Variants in SLC29A4 observed in about 807,000 individuals in gnomAD.
SLC29A4 encodes solute carrier family 29 member 4.
SLC29A4 carries 36 observed loss-of-function variants against 43.9 expected under a neutral mutation model. The observed-to-expected ratio is 0.82, with a 90% CI of 0.63 to 1.08. The LOEUF is 1.08. Among genes scored for constraint, SLC29A4 ranks in the 50% least tolerant of loss-of-function variants. SLC29A4 has a pLI of 0.00. For synonymous variants in SLC29A4, 491 were observed against 338.0 expected (o/e 1.45, Z -4.97); for missense variants, 869 against 755.3 (o/e 1.15, Z -1.77).
intron 6 of SLC29A4, 59 bp downstream of exon 6, chr7:5,294,993 T>C: frequency 6.7e-7 from 1 of 1,482,164 alleles, no homozygotes; most frequent in Non-Finnish European, 9.1e-7. Flanking sequence ...CTCTGGAAGC[T>C]TCTTCCCAGG....
chr7:5,284,653 G>A (rs765067035), intron 1 of SLC29A4, among the ~76,000 whole-genome samples: 3 of 152,144 alleles, frequency 2.0e-5, no homozygotes, highest in Admixed American at 1.3e-4. Flanking sequence ...CTTGGATGTG[G>A]GGGGCCGGGA....
At position 5,290,783 on chromosome 7, in the gene SLC29A4, T is replaced by C; in HGVS notation, c.221T>C (p.Met74Thr). 6.2e-7 allele frequency: 1 copy of C among 1,614,122 alleles called. No individual in the cohort carries two copies. The highest frequency in any genetic ancestry group is 1.1e-5 in the South Asian group (1 of 91,088). The change falls in exon 3 of 11, where the codon ATG becomes ACG. Residue 74 changes from methionine (M) to threonine (T), a missense_variant. Met to Thr is a moderately conservative substitution (Grantham distance 81). Transcript: ENST00000396872. ...DDRYHAIYFA[M>T]LLAGVGFLLP... ...CGTTATCACGCCATCTACTTTGCGA[T>C]GCTGCTGGCTGGCGTGGGCTTCCTG...
Position 5,287,365 on chromosome 7 carries a change from T to G in SLC29A4, c.-8-444T>G, listed in dbSNP as rs1217349591. On this transcript the variant is annotated intron_variant, in intron 1 of 10. Coordinates refer to ENST00000396872, the MANE Select transcript of SLC29A4 (RefSeq NM_153247.4). ...CCCAGGAGGTCGTGGCTGAAATGAGTGATGGTTGCACCACCATACTCCAAC... is the reference window on the plus strand; with the variant it reads ...CCCAGGAGGTCGTGGCTGAAATGAGGGATGGTTGCACCACCATACTCCAAC... 2.0e-5 allele frequency among the ~76,000 whole-genome samples: 3 copies of G among 147,608 alleles called. No homozygotes were observed. The East Asian group carries it at 6.0e-4, about 29-fold the overall frequency.
intron 1 of SLC29A4, among the ~76,000 whole-genome samples, chr7:5,284,032 ACCC>A (rs79051188): frequency 4.2e-5 from 3 of 72,250 alleles, no homozygotes; most frequent in Non-Finnish European, 5.9e-5. Flanking sequence ...GAGCTGCACG[ACCC>A]CCCCCCCCAC....
chr7:5,303,218 G>T lies in SLC29A4; in HGVS notation c.*279G>T. The T allele has an allele frequency of 3.8e-6, 2 of 525,616 alleles. No homozygotes were observed. The highest frequency in any genetic ancestry group is 3.3e-5 in the Admixed American group (1 of 29,852). 32.6% of individuals were successfully genotyped at this position (525,616 alleles called of 1,614,324 possible). A position where few individuals can be genotyped will look rare whatever the true frequency, so the allele number is the denominator to read the frequency against. On this transcript the variant is annotated 3_prime_UTR_variant, in exon 11 of 11. Transcript: ENST00000396872. ...GTCTACCTTCCATCTGTGTCCAGCG[G>T]CCCCGGCTCCAGCCCAGCCAGCACT...
intron 9 of SLC29A4, 78 bp downstream of exon 9, chr7:5,299,505 A>G: frequency 6.9e-7 from 1 of 1,459,574 alleles, no homozygotes; most frequent in Non-Finnish European, 9.3e-7. Flanking sequence ...CTATCCGGGA[A>G]GGGTTCTGAG....
chr7:5,286,047 C>G (rs766349246), intron 1 of SLC29A4, among the ~76,000 whole-genome samples: 2 of 151,998 alleles, frequency 1.3e-5, no homozygotes, highest in Non-Finnish European at 2.9e-5. Flanking sequence ...CAAGGTTCCT[C>G]TGGGCCTGTG....
In SLC29A4 at chr7:5,304,129, C is replaced by G. The variant is rs1786361600; in HGVS notation, c.*1190C>G. 1 of 152,378 alleles carries G rather than the reference C, an allele frequency of 6.6e-6. No homozygotes were observed. Among genetic ancestry groups the G allele is most frequent in the Admixed American group, 6.5e-5 (1 of 15,288 alleles). The allele number at this position is 152,378 out of a possible 1,614,324, so 9.4% of individuals were successfully genotyped here. The stretch of plus-strand genomic sequence containing the variant: ...CTGCCATCTCGGGATACCGGTGGAA[C>G]TCGGGCTGCCCCGCATAAGCCGGTC... On this transcript the variant is annotated 3_prime_UTR_variant, in exon 11 of 11. Transcript: ENST00000396872.
chr7:5,293,346 AT>A (rs1355513811), intron 5 of SLC29A4, among the ~76,000 whole-genome samples: 1 of 151,070 alleles, frequency 6.6e-6, no homozygotes, highest in Non-Finnish European at 1.5e-5. Flanking sequence ...TAATTTGTGT[AT>A]TTTTAGTAGA....
At chr7:5,295,859 C>G (rs990941246) in intron 6 of SLC29A4, among the ~76,000 whole-genome samples, 5 of 152,130 alleles carry the variant, frequency 3.3e-5, no homozygotes, top group African/African-American at 1.2e-4. Flanking sequence ...TGCCGGCACA[C>G]TGATGTCGCG....
intron 2 of SLC29A4, among the ~76,000 whole-genome samples, 156 bp from the exon 3 acceptor site, chr7:5,290,576 C>T (rs1349317707): frequency 1.4e-4 from 21 of 152,270 alleles, no homozygotes; most frequent in Admixed American, 1.3e-4. Context: ...TTGATAATGG[C>T]CAGATGACAG....
rs1228778704 is a variant in SLC29A4 at position 5,291,684 on chromosome 7, C to T, written c.416-9C>T. On this transcript the variant is annotated splice_polypyrimidine_tract_variant and intron_variant, in intron 4 of 10. Transcript: ENST00000396872. ...CCACCACTCCCCTCACTAGCCTCTC[C>T]CCCAACAGGCTACCTCTTAGCCTTG... 1.2e-6 allele frequency: 2 copies of T among 1,600,510 alleles called. No individual in the cohort carries two copies. Among genetic ancestry groups the T allele is most frequent in the Non-Finnish European group, 1.7e-6 (2 of 1,173,492 alleles).
intron 2 of SLC29A4, among the ~76,000 whole-genome samples, chr7:5,290,230 T>C (rs574251468): frequency 6.6e-6 from 1 of 152,158 alleles, no homozygotes; most frequent in South Asian, 2.1e-4. Context: ...ATTTTTTGGG[T>C]TTTTTTGTAT....
chr7:5,284,581 A>T (rs1264612325), intron 1 of SLC29A4, among the ~76,000 whole-genome samples: 1 of 152,212 alleles, frequency 6.6e-6, no homozygotes, highest in Non-Finnish European at 1.5e-5. Flanking sequence ...CATGTCGTTA[A>T]ATTTTAACTA....
Position 5,297,235 on chromosome 7 carries a change from TCC to T in SLC29A4, c.882+40_882+41del, listed in dbSNP as rs753476558. On this transcript the variant is annotated intron_variant, in intron 7 of 10. Transcript: ENST00000396872. ...CCGCCCACCTCTGTTCCCTTCTCTG[TCC>T]CCTTCTCTGTCCCCACCGCTTCGTC... The T allele has an allele frequency of 6.3e-5, 20 of 317,984 alleles. No homozygotes were observed. In the South Asian group the frequency reaches 2.6e-3, roughly 41 times the overall value. The allele number at this position is 317,984 out of a possible 1,614,324, so 19.7% of individuals were successfully genotyped here. A position where few individuals can be genotyped will look rare whatever the true frequency, so the allele number is the denominator to read the frequency against.
At chr7:5,284,041 C>CA (rs1453733163) in intron 1 of SLC29A4, among the ~76,000 whole-genome samples, 1 of 67,570 alleles carries the variant, frequency 1.5e-5, no homozygotes, top group Non-Finnish European at 4.0e-5. Flanking sequence ...GACCCCCCCC[C>CA]CCACCCCCGA....
intron 6 of SLC29A4, among the ~76,000 whole-genome samples, chr7:5,295,527 C>G (rs906820054): frequency 4.6e-5 from 7 of 152,244 alleles, no homozygotes; most frequent in African/African-American, 1.7e-4. Context: ...CCCCTGGCCT[C>G]CAGCCCCTGC....
At chr7:5,289,035 G>C (rs975821482) in intron 2 of SLC29A4, among the ~76,000 whole-genome samples, 1 of 152,194 alleles carries the variant, frequency 6.6e-6, no homozygotes, top group African/African-American at 2.4e-5. Flanking sequence ...CTGGCACTCA[G>C]GAGGCACCCT....
At chr7:5,297,605 C>T (rs1480333651) in intron 7 of SLC29A4, among the ~76,000 whole-genome samples, 2 of 152,240 alleles carry the variant, frequency 1.3e-5, no homozygotes, top group East Asian at 3.9e-4. Flanking sequence ...AGTCCTCCTG[C>T]AGGCTCAGCC....
Sources: allele counts gnomAD v4.1 joint callset (sites outside exome capture counted in the v4.1 genomes callset), GRCh38; gene constraint gnomAD v4.1.1; transcripts MANE v1.5; gene names NCBI Gene and HGNC (gene_info 2026-07-23, HGNC 2026-07-21).